PIP4K2B: variants seen among roughly 807,000 people sequenced by gnomAD.
The protein encoded by PIP4K2B is phosphatidylinositol 5-phosphate 4-kinase type-2 beta.
A neutral mutation model predicts 42.0 loss-of-function variants in PIP4K2B; 3 were observed. The ratio of observed to expected loss-of-function variants is 0.07; its 90% CI spans 0.03 to 0.18. PIP4K2B has a LOEUF of 0.18. Among genes scored for constraint, PIP4K2B ranks in the 10% least tolerant of loss-of-function variants. The probability of loss-of-function intolerance (pLI) is 1.00; values close to 1 mark genes in which losing one functional copy is unlikely to be tolerated. For missense variants in PIP4K2B, 332 were observed against 562.3 expected (o/e 0.59, Z 4.14); for synonymous variants, 204 against 210.1 (o/e 0.97, Z 0.25).
chr17:38,780,878 C>A (rs1200628799), intron 3 of PIP4K2B, among the ~76,000 whole-genome samples: 1 of 152,174 alleles, frequency 6.6e-6, no homozygotes, highest in African/African-American at 2.4e-5. Flanking sequence ...ATCCTGATCC[C>A]AGATAGCTAT....
rs190244243 is a variant in PIP4K2B, at chr17:38,774,891, T to C, written c.807+2796A>G. ...GATATAACAAGTGTCCATTAACTGA[T>C]GAATAAACAAAATGTAATACATCCA... On this transcript the variant is annotated intron_variant, in intron 7 of 9. Coordinates refer to ENST00000619039, the MANE Select transcript of PIP4K2B (RefSeq NM_003559.5). Among the ~76,000 whole-genome samples, 714 of 152,332 alleles carry C rather than the reference T, an allele frequency of 4.7e-3. 10 individuals carry two copies. The highest frequency in any genetic ancestry group is 0.017 in the African/African-American group (686 of 41,568).
intron 2 of PIP4K2B, among the ~76,000 whole-genome samples, chr17:38,785,621 G>A (rs1909966400): frequency 1.3e-5 from 2 of 152,216 alleles, no homozygotes; most frequent in Admixed American, 6.5e-5. Context: ...AGAGGTTGCA[G>A]TGAGCCAAGA....
In PIP4K2B at chr17:38,780,463, T is replaced by G; in HGVS notation, c.496A>C (p.Lys166Gln). The G allele has an allele frequency of 1.9e-6, 3 of 1,611,570 alleles. No individual in the cohort carries two copies. Among genetic ancestry groups the G allele is most frequent in the Non-Finnish European group, 2.5e-6 (3 of 1,177,940 alleles). ...GGGACTCACCATACCTGGTGGTATT[T>G]CTTTAAGATGTTGTGCATCTCCGCC... The part of the protein sequence containing the change: ...DVAEMHNILK[K>Q]YHQFIVECHG... The change falls in exon 4 of 10, where the codon AAA (lysine) becomes CAA (glutamine). Residue 166 changes from lysine to glutamine, a missense_variant. Lys to Gln is a moderately conservative substitution (Grantham distance 53). Transcript: ENST00000619039.
At chr17:38,775,185 C>T (rs959294593) in intron 7 of PIP4K2B, among the ~76,000 whole-genome samples, 2 of 152,098 alleles carry the variant, frequency 1.3e-5, no homozygotes, top group South Asian at 2.1e-4. Context: ...GATCTCCTGA[C>T]CTCGTGATCC....
intron 7 of PIP4K2B, among the ~76,000 whole-genome samples, chr17:38,774,865 T>G (rs1909243186): frequency 6.6e-6 from 1 of 152,192 alleles, no homozygotes; most frequent in Admixed American, 6.5e-5. Flanking sequence ...GAACCCCAAC[T>G]GATATAACAA....
chr17:38,787,982 TACTC>T lies in PIP4K2B; in HGVS notation c.160-1066_160-1063del, dbSNP rs199648106. ...CACCATTACTAGCATATATGGCAGA[TACTC>T]AATAAATATTTGTCATATGCAATAA... is the stretch of plus-strand genomic sequence containing the variant. On this transcript the variant is annotated intron_variant, in intron 1 of 9. Coordinates refer to ENST00000619039, the MANE Select transcript of PIP4K2B (RefSeq NM_003559.5). Among the ~76,000 whole-genome samples, 1,106 of 152,328 alleles carry T rather than the reference TACTC, an allele frequency of 7.3e-3. 6 individuals are homozygous for T. Among genetic ancestry groups the T allele is most frequent in the Admixed American group, 0.01 (159 of 15,298 alleles).
intron 3 of PIP4K2B, among the ~76,000 whole-genome samples, chr17:38,782,045 C>G (rs138452330): frequency 6.0e-4 from 92 of 152,298 alleles, no homozygotes; most frequent in African/African-American, 1.9e-3. Flanking sequence ...AAGTGAGGAC[C>G]ACCTTCATGG....
chr17:38,770,504 T>C lies in PIP4K2B; in HGVS notation c.1102A>G (p.Ile368Val). ...PKKEVYFMAI[I>V]DILTPYDTKK... ...GTATCGTATGGCGTGAGGATATCAA[T>C]GATGGCCATGAAATACACCTCCTTC... Residue 368 changes from isoleucine to valine, a missense_variant, in exon 9 of 10, where the codon ATT (isoleucine) becomes GTT (valine). By Grantham distance (29) the Ile-to-Val change is conservative (BLOSUM62 3). Transcript: ENST00000619039. 6.2e-7 allele frequency: 1 copy of C among 1,611,516 alleles called. No individual in the cohort carries two copies. Among genetic ancestry groups the C allele is most frequent in the Non-Finnish European group, 8.5e-7 (1 of 1,177,880 alleles).
rs371700633 is a variant in PIP4K2B, at chr17:38,774,331, C to T, written c.808-3059G>A. Among the ~76,000 whole-genome samples the T allele has an allele frequency of 8.5e-5, 13 of 152,282 alleles. No homozygotes were observed. In the East Asian group the frequency reaches 2.3e-3, roughly 27 times the overall value. ...CCTGAAGAGAAGAAAAAGGGTGACC[C>T]TCCGGTGAGGAAGAGGGAACTCCTT... is the stretch of plus-strand genomic sequence containing the variant. On this transcript the variant is annotated intron_variant, in intron 7 of 9. Coordinates refer to ENST00000619039, the MANE Select transcript of PIP4K2B (RefSeq NM_003559.5).
rs777613813 is a variant in PIP4K2B, at chr17:38,768,593, G to C, written c.*1098C>G. On this transcript the variant is annotated 3_prime_UTR_variant, in exon 10 of 10. Coordinates refer to ENST00000619039, the MANE Select transcript of PIP4K2B (RefSeq NM_003559.5). ...ACAGATCTCCTACAAGGTCATCCCG[G>C]AGCTTAACGAGGTGTCTCTGCTAAA... is the stretch of plus-strand genomic sequence containing the variant. The C allele has an allele frequency of 6.6e-6, 1 of 152,226 alleles. No individual in the cohort carries two copies. Among genetic ancestry groups the C allele is most frequent in the Non-Finnish European group, 1.5e-5 (1 of 68,042 alleles). 9.4% of individuals were successfully genotyped at this position (152,226 alleles called of 1,614,324 possible).
intron 2 of PIP4K2B, among the ~76,000 whole-genome samples, chr17:38,785,103 C>A (rs373883851): frequency 2.0e-5 from 3 of 152,306 alleles, no homozygotes; most frequent in South Asian, 2.1e-4. Context: ...AGAGCCCTGT[C>A]TGCTGGCTGC....
intron 5 of PIP4K2B, among the ~76,000 whole-genome samples, 183 bp from the exon 6 acceptor site, chr17:38,778,555 T>C (rs1332434807): frequency 6.6e-6 from 1 of 152,190 alleles, no homozygotes; most frequent in Non-Finnish European, 1.5e-5. Context: ...CAAGACACTT[T>C]TTAGGTGCTC....
At chr17:38,796,990 T>C (rs1167253241) in intron 1 of PIP4K2B, among the ~76,000 whole-genome samples, 1 of 152,154 alleles carries the variant, frequency 6.6e-6, no homozygotes, top group African/African-American at 2.4e-5. Flanking sequence ...ATGGGGACAC[T>C]GAAGTATCAG....
chr17:38,771,173 C>G lies in PIP4K2B; in HGVS notation c.907G>C (p.Glu303Gln). ...QEEMEVEERAEDEECENDGVG... is the reference protein window; with the variant it reads ...QEEMEVEERAQDEECENDGVG... ...CCATCATTCTCACACTCCTCGTCCT[C>G]TGCCCGCTCCTCCACCTCCATCTCC... Residue 303 changes from glutamate to glutamine, a missense_variant, in exon 8 of 10, where the codon GAG (glutamate) becomes CAG (glutamine). By Grantham distance (29) the Glu-to-Gln change is conservative. Around this residue, in one of 6 missense-constraint regions of PIP4K2B, gnomAD observed 15 missense variants for 45.2 expected, o/e 0.33. Coordinates refer to ENST00000619039, the MANE Select transcript of PIP4K2B (RefSeq NM_003559.5). 1 of 1,614,180 alleles carries G rather than the reference C, an allele frequency of 6.2e-7. No homozygotes were observed. The highest frequency in any genetic ancestry group is 2.2e-5 in the East Asian group (1 of 44,882).
At chr17:38,777,666 A>C in intron 7 of PIP4K2B, 21 bp downstream of exon 7, 1 of 1,500,600 alleles carries the variant, frequency 6.7e-7, no homozygotes, top group Non-Finnish European at 9.3e-7. Context: ...CTTGCAGGTG[A>C]AAATGAAGGT....
intron 3 of PIP4K2B, among the ~76,000 whole-genome samples, chr17:38,781,199 T>C (rs576976377): frequency 6.6e-6 from 1 of 152,196 alleles, no homozygotes. Flanking sequence ...GCCTGACACC[T>C]TTCCCCTTGC....
rs1908793095 is a variant in PIP4K2B at position 38,768,025 on chromosome 17, G to C, written c.*1666C>G. The C allele has an allele frequency of 6.6e-6, 1 of 152,242 alleles. No homozygotes were observed. The highest frequency in any genetic ancestry group is 1.5e-5 in the Non-Finnish European group (1 of 68,054). 9.4% of individuals were successfully genotyped at this position (152,242 alleles called of 1,614,324 possible). A position where few individuals can be genotyped will look rare whatever the true frequency, so the allele number is the denominator to read the frequency against. On this transcript the variant is annotated 3_prime_UTR_variant, in exon 10 of 10. Transcript: ENST00000619039. ...CATTCTTTCCTGACCTATATGCTGT[G>C]AGTCAGGCACAGAGACAGTGCTGGT...
intron 3 of PIP4K2B, among the ~76,000 whole-genome samples, chr17:38,781,867 T>C (rs760514488): frequency 3.4e-5 from 5 of 145,924 alleles, no homozygotes; most frequent in Non-Finnish European, 7.6e-5. Context: ...AACTGGAGTA[T>C]AGTGGTGCGA....
chr17:38,774,769 C>CA (rs1043818528), intron 7 of PIP4K2B, among the ~76,000 whole-genome samples: 42 of 148,822 alleles, frequency 2.8e-4, no homozygotes, highest in African/African-American at 9.4e-4. Context: ...GACTCTGTCT[C>CA]AAAAAAAATA....
Sources: allele counts gnomAD v4.1 joint callset (sites outside exome capture counted in the v4.1 genomes callset), GRCh38; gene constraint gnomAD v4.1.1; regional missense constraint gnomAD v4.1.1; transcripts MANE v1.5; gene names NCBI Gene and HGNC (gene_info 2026-07-23, HGNC 2026-07-21).